VASP: variants seen among roughly 807,000 people sequenced by gnomAD.
VASP encodes the protein vasodilator stimulated phosphoprotein.
VASP carries 27 observed loss-of-function variants against 54.4 expected under a neutral mutation model. The ratio of observed to expected loss-of-function variants is 0.50; its 90% CI spans 0.37 to 0.68. VASP has a LOEUF of 0.68. Among genes scored for constraint, VASP ranks in the 30% least tolerant of loss-of-function variants. The probability of loss-of-function intolerance (pLI) is 0.00; values close to 1 mark genes in which losing one functional copy is unlikely to be tolerated. For synonymous variants in VASP, 233 were observed against 209.8 expected (o/e 1.11, Z -0.96); for missense variants, 488 against 528.3 (o/e 0.92, Z 0.75).
intron 12 of VASP, 51 bp from the exon 13 acceptor site, chr19:45,526,089 G>T: frequency 6.2e-7 from 1 of 1,613,614 alleles, no homozygotes. Context: ...TGTTTTGGAA[G>T]GGAGGAGGCA....
rs1019786316 is a variant in VASP, at chr19:45,522,202, C to T, written c.463C>T (p.Arg155Trp). The change falls in exon 5 of 13, where the codon CGG (arginine) becomes TGG (tryptophan). Residue 155 changes from arginine (R) to tryptophan (W), a missense_variant. By Grantham distance (101) the Arg-to-Trp change is moderately radical. Around this residue, in one of 4 missense-constraint regions of VASP, gnomAD observed 226 missense variants for 196.0 expected, o/e 1.15. Coordinates refer to ENST00000245932, the MANE Select transcript of VASP (RefSeq NM_003370.4). Reference sequence around the variant, plus strand: ...CGGCCCGTCGGAGCACATAGAGCGCCGGGTCTCCAATGCAGGTGATGCTCA... The same window carrying T: ...CGGCCCGTCGGAGCACATAGAGCGCTGGGTCTCCAATGCAGGTGATGCTCA... Reference protein sequence around the residue: ...QPGPSEHIERRVSNAGGPPAP... With the variant: ...QPGPSEHIERWVSNAGGPPAP... 21 of 1,614,054 alleles carry T rather than the reference C, an allele frequency of 1.3e-5. No individual in the cohort carries two copies. Among genetic ancestry groups the T allele is most frequent in the Non-Finnish European group, 1.5e-5 (18 of 1,180,046 alleles).
chr19:45,523,810 G>T, intron 8 of VASP, 31 bp from the exon 9 acceptor site: 1 of 1,614,052 alleles, frequency 6.2e-7, no homozygotes, highest in Non-Finnish European at 8.5e-7. Flanking sequence ...TGTGGCAGGG[G>T]CTGGCTCATG....
chr19:45,524,730 G>A (rs749258603), intron 11 of VASP, 70 bp downstream of exon 11: 22 of 1,435,168 alleles, frequency 1.5e-5, no homozygotes, highest in Admixed American at 3.7e-5. Context: ...CTGGCATGCC[G>A]TATGATCCTA....
At position 45,517,656 on chromosome 19, in the gene VASP, C is replaced by T. The variant is rs757586699; in HGVS notation, c.6-7C>T. ...CCGGCCCCTCTCCCTTTTCCTCCCG[C>T]CTGCAGCGAGACGGTCATCTGTTCC... On this transcript the variant is annotated splice_polypyrimidine_tract_variant and splice_region_variant and intron_variant, in intron 1 of 12. Transcript: ENST00000245932. The T allele has an allele frequency of 6.2e-7, 1 of 1,605,332 alleles. No individual in the cohort carries two copies. The highest frequency in any genetic ancestry group is 8.5e-7 in the Non-Finnish European group (1 of 1,179,452).
At chr19:45,523,497 C>A in intron 7 of VASP, 147 bp from the exon 8 acceptor site, 2 of 915,852 alleles carry the variant, frequency 2.2e-6, no homozygotes, top group Non-Finnish European at 1.7e-6. Flanking sequence ...GCGCCCAGCA[C>A]AATCTCTTGA....
chr19:45,522,316 C>T (rs980053556), intron 5 of VASP, 24 bp from the exon 6 acceptor site: 5 of 1,612,224 alleles, frequency 3.1e-6, no homozygotes, highest in Middle Eastern at 3.3e-4. Context: ...CTCTCAGCTG[C>T]CCCCTTTTCT....
chr19:45,520,692 G>C (rs1045744515), intron 3 of VASP, among the ~76,000 whole-genome samples: 1 of 152,142 alleles, frequency 6.6e-6, no homozygotes, highest in African/African-American at 2.4e-5. Context: ...GGCCAGGTGC[G>C]GTGGCTCACG....
chr19:45,524,432 A>AAG, intron 10 of VASP, 138 bp from the exon 11 acceptor site: 1 of 856,980 alleles, frequency 1.2e-6, no homozygotes, highest in South Asian at 1.6e-5. Context: ...CCAAAAAAAA[A>AAG]AAAAACTGGG....
chr19:45,509,981 G>A lies in VASP; in HGVS notation c.5+2205G>A, dbSNP rs559662826. Among the ~76,000 whole-genome samples the A allele has an allele frequency of 5.9e-5, 9 of 152,222 alleles. No individual in the cohort carries two copies. In the South Asian group the frequency reaches 1.5e-3, roughly 25 times the overall value. ...GATATAGTTCTTTTTCTCCCAGTTT[G>A]ACAAATATTTGTTGAGTGTTGGCTG... On this transcript the variant is annotated intron_variant, in intron 1 of 12. Coordinates refer to ENST00000245932, the MANE Select transcript of VASP (RefSeq NM_003370.4).
rs757208551 is a variant in VASP, at chr19:45,513,843, C to T, written c.6-3820C>T. Among the ~76,000 whole-genome samples, 10 of 152,264 alleles carry T rather than the reference C, an allele frequency of 6.6e-5. No individual in the cohort carries two copies. The South Asian group carries it at 1.7e-3, about 25-fold the overall frequency. On this transcript the variant is annotated intron_variant, in intron 1 of 12. Transcript: ENST00000245932. ...CCTCCCAAAGTGCTGGGATTACAGG[C>T]GTGAGCCACCTCCCCTGGCCAAAGT...
In VASP at chr19:45,507,736, CA is replaced by C; in HGVS notation, c.-35del. On this transcript the variant is annotated 5_prime_UTR_variant, in exon 1 of 13. Coordinates refer to ENST00000245932, the MANE Select transcript of VASP (RefSeq NM_003370.4). This position sits in a 1 kb window ranked among gnomAD's most constrained non-coding sequence, Gnocchi z 4.4. ...CAGCCAGGGGCGCCCCGGGAGCAGCCAGCCCGTGGGCGAGCCGCCCGCCCGC... is the reference window on the plus strand; with the variant it reads ...CAGCCAGGGGCGCCCCGGGAGCAGCCGCCCGTGGGCGAGCCGCCCGCCCGC... 6.6e-7 allele frequency: 1 copy of C among 1,513,138 alleles called. No individual in the cohort carries two copies. The highest frequency in any genetic ancestry group is 8.8e-7 in the Non-Finnish European group (1 of 1,137,750). The allele number at this position is 1,513,138 out of a possible 1,614,324, so 93.7% of individuals were successfully genotyped here.
intron 1 of VASP, among the ~76,000 whole-genome samples, chr19:45,512,611 T>C (rs1968622242): frequency 6.7e-6 from 1 of 149,274 alleles, no homozygotes; most frequent in Non-Finnish European, 1.5e-5. Context: ...TGTTTGTTTT[T>C]GTTTTTGAGA....
intron 11 of VASP, among the ~76,000 whole-genome samples, chr19:45,525,377 A>G (rs538548565): frequency 4.8e-4 from 73 of 152,206 alleles, no homozygotes; most frequent in Non-Finnish European, 8.2e-4. Flanking sequence ...CAGCCTGGCC[A>G]ACATGGTGAA....
rs770550884 is a variant in VASP, at chr19:45,524,579, GTCT to G, written c.972_974del (p.Ser325del). 5.0e-6 allele frequency: 8 copies of G among 1,613,924 alleles called. No individual in the cohort carries two copies. Among genetic ancestry groups the G allele is most frequent in the African/African-American group, 1.3e-5 (1 of 74,954 alleles). On this transcript the variant is annotated inframe_deletion, in exon 11 of 13. Coordinates refer to ENST00000245932, the MANE Select transcript of VASP (RefSeq NM_003370.4). ...ACACCAACTCCCCCAGGATGAAGTC[GTCT>G]TCTTCGGTGACCACTTCCGAGACCC...
At chr19:45,514,627 A>G (rs1311454647) in intron 1 of VASP, among the ~76,000 whole-genome samples, 1 of 152,198 alleles carries the variant, frequency 6.6e-6, no homozygotes, top group Non-Finnish European at 1.5e-5. Context: ...TTCTCCGGCC[A>G]GTCCAGAGCC....
rs937410461 is a variant in VASP at position 45,513,188 on chromosome 19, G to C, written c.6-4475G>C. 5.9e-5 allele frequency among the ~76,000 whole-genome samples: 9 copies of C among 152,062 alleles called. No homozygotes were observed. The East Asian group carries it at 1.7e-3, about 29-fold the overall frequency. On this transcript the variant is annotated intron_variant, in intron 1 of 12. Transcript: ENST00000245932. ...TGTCAAGCACCAAGAAGAGTGTCTG[G>C]GACCCAGGCTGACTGAGAAATGTTA... is the stretch of plus-strand genomic sequence containing the variant.
At chr19:45,522,914 T>C in intron 7 of VASP, 96 bp downstream of exon 7, 1 of 1,258,370 alleles carries the variant, frequency 7.9e-7, no homozygotes, top group Non-Finnish European at 1.1e-6. Context: ...TTGTTTCTTT[T>C]GGTGAATGTT....
intron 11 of VASP, chr19:45,525,686 A>T: frequency 2.9e-6 from 1 of 348,162 alleles, no homozygotes; most frequent in Non-Finnish European, 5.3e-6. Context: ...TGACAGGGAG[A>T]CTCTGTTTCA....
intron 1 of VASP, among the ~76,000 whole-genome samples, chr19:45,512,889 G>A (rs974902360): frequency 3.9e-5 from 6 of 152,042 alleles, no homozygotes; most frequent in South Asian, 2.1e-4. Flanking sequence ...ATGAGCCACC[G>A]CACCCGACCT....
Sources: gnomAD v4.1 joint callset for allele counts (sites outside exome capture counted in the v4.1 genomes callset) on GRCh38, gnomAD v4.1.1 for gene constraint, gnomAD v4.1.1 regional missense constraint, Gnocchi (gnomAD v3.1) non-coding constraint, MANE v1.5 for transcripts, NCBI Gene and HGNC (gene_info 2026-07-23, HGNC 2026-07-21) for gene names.